The following ATP1A3 variants were observed in gnomAD, a reference collection of about 807,000 sequenced individuals.
The protein encoded by ATP1A3 is sodium/potassium-transporting ATPase subunit alpha-3.
A neutral mutation model predicts 108.8 loss-of-function variants in ATP1A3; 12 were observed. The observed-to-expected ratio is 0.11, with a 90% CI of 0.07 to 0.18. ATP1A3 has a LOEUF of 0.18. ATP1A3 is among the 10% of genes least tolerant of loss of function. The probability of loss-of-function intolerance (pLI) is 1.00; values close to 1 mark genes in which losing one functional copy is unlikely to be tolerated. For synonymous variants in ATP1A3, 539 were observed against 564.5 expected, an observed-to-expected ratio of 0.95 and a Z score of 0.64; for missense variants, 498 against 1,387.7, an observed-to-expected ratio of 0.36 and a Z score of 10.19.
chr19:41,968,956 G>A lies in ATP1A3; in HGVS notation c.2689-41C>T. 5 of 1,612,718 alleles carry A rather than the reference G, an allele frequency of 3.1e-6. No homozygotes were observed. Among genetic ancestry groups the A allele is most frequent in the Non-Finnish European group, 4.2e-6 (5 of 1,179,276 alleles). On this transcript the variant is annotated intron_variant, in intron 19 of 22. Transcript: ENST00000648268. The surrounding 1 kb of genome is among the most constrained non-coding windows in gnomAD (Gnocchi z 5.0). Reference sequence around the variant, plus strand: ...CCAGGGCACGGGACGTCAGTTAGTGGCACTGCAGCCCTAGCCGCCACCCCG... The same window carrying A: ...CCAGGGCACGGGACGTCAGTTAGTGACACTGCAGCCCTAGCCGCCACCCCG...
chr19:41,985,864 C>T lies in ATP1A3; in HGVS notation c.606G>A (p.Lys202=). The T allele has an allele frequency of 6.2e-7, 1 of 1,613,984 alleles. No homozygotes were observed. The highest frequency in any genetic ancestry group is 8.5e-7 in the Non-Finnish European group (1 of 1,179,980). Residue 202 remains lysine, a splice_region_variant and synonymous_variant, in exon 6 of 23, where the codon AAG becomes AAA. Transcript: ENST00000648268. The surrounding 1 kb of genome is among the most constrained non-coding windows in gnomAD (Gnocchi z 8.2). ...AGCCGGGCCCTAGGCCCAGGCCCAC[C>T]TTGCAGCCGTGGGCTGAGATGATCC... ...DLRIISAHGC[K]VDNSSLTGES...
rs201783205 is a variant in ATP1A3 at position 41,968,938 on chromosome 19, A to G, written c.2689-23T>C. 9.2e-5 allele frequency: 148 copies of G among 1,613,390 alleles called. 4 individuals are homozygous for G. The South Asian group carries it at 9.6e-4, about 10-fold the overall frequency. ...TGTCTGCAGGAGCGGTGACCAGGGC[A>G]CGGGACGTCAGTTAGTGGCACTGCA... On this transcript the variant is annotated intron_variant, in intron 19 of 22. Transcript: ENST00000648268. The surrounding 1 kb of genome is among the most constrained non-coding windows in gnomAD (Gnocchi z 5.0).
Position 41,985,774 on chromosome 19 carries a change from T to C in ATP1A3, c.606+90A>G, listed in dbSNP as rs1416427469. 16 of 1,571,982 alleles carry C rather than the reference T, an allele frequency of 1.0e-5. No individual in the cohort carries two copies. The highest frequency in any genetic ancestry group is 1.4e-5 in the Non-Finnish European group (16 of 1,159,158). ...GTCTGAGGGAGGAGGGGTTGGGACCTGGACTCCTGAGTGTGAGGGAGGAGG... is the reference window on the plus strand; with the variant it reads ...GTCTGAGGGAGGAGGGGTTGGGACCCGGACTCCTGAGTGTGAGGGAGGAGG... On this transcript the variant is annotated intron_variant, in intron 6 of 22. Transcript: ENST00000648268. The surrounding 1 kb of genome is among the most constrained non-coding windows in gnomAD (Gnocchi z 8.2).
intron 1 of ATP1A3, chr19:41,993,271 T>C: frequency 2.0e-6 from 2 of 1,004,606 alleles, no homozygotes; most frequent in Non-Finnish European, 3.0e-6. Flanking sequence ...CGGCATCTGC[T>C]GGAGAGACTC....
Position 41,967,339 on chromosome 19 carries a change from G to C in ATP1A3, c.2923C>G (p.Pro975Ala), listed in dbSNP as rs782655656. 2.5e-6 allele frequency: 4 copies of C among 1,607,070 alleles called. No individual in the cohort carries two copies. The highest frequency in any genetic ancestry group is 3.4e-6 in the Non-Finnish European group (4 of 1,179,958). ...GGGAAGGCACAGAACCACCAGCTGG[G>C]CCTGCAGAGGGGAGAGCAGGAGGGC... Reference protein sequence around the residue: ...DVALRMYPLKPSWWFCAFPYS... With the variant: ...DVALRMYPLKASWWFCAFPYS... The change falls in exon 22 of 23, where the codon CCC (proline) becomes GCC (alanine). Residue 975 changes from proline (P) to alanine (A), a missense_variant and splice_region_variant. Pro to Ala is a conservative substitution (Grantham distance 27). Coordinates refer to ENST00000648268, the MANE Select transcript of ATP1A3 (RefSeq NM_152296.5). The surrounding 1 kb of genome is among the most constrained non-coding windows in gnomAD (Gnocchi z 4.2).
At position 41,977,950 on chromosome 19, in the gene ATP1A3, G is replaced by A. The variant is rs1555861948; in HGVS notation, c.1929C>T (p.Ser643=). 13 of 1,614,100 alleles carry A rather than the reference G, an allele frequency of 8.1e-6. No homozygotes were observed. In the African/African-American group the frequency reaches 1.5e-4, roughly 18 times the overall value. ...DIAARLNIPV[S]QVNPRDAKAC... ...GGGTGGCTCACCGGGGGTTAACCTG[G>A]CTGACGGGAATGTTGAGCCGGGCGG... is the stretch of plus-strand genomic sequence containing the variant. The change falls in exon 14 of 23, where the codon AGC becomes AGT. Residue 643 remains serine (S), a synonymous_variant. Transcript: ENST00000648268.
In ATP1A3 at chr19:41,966,828, C is replaced by T; in HGVS notation, c.*109G>A. 1 of 1,544,090 alleles carries T rather than the reference C, an allele frequency of 6.5e-7. No homozygotes were observed. Among genetic ancestry groups the T allele is most frequent in the Non-Finnish European group, 8.7e-7 (1 of 1,143,322 alleles). On this transcript the variant is annotated 3_prime_UTR_variant, in exon 23 of 23. Transcript: ENST00000648268. ...GAGGGGGTGGGGGCCAAGGTGGGGC[C>T]ACAGGAAGAGAGGGCTCCTCCCCCC...
chr19:41,975,905 G>A (rs781919452), intron 15 of ATP1A3, 108 bp from the exon 16 acceptor site: 52 of 1,464,916 alleles, frequency 3.5e-5, no homozygotes, highest in Non-Finnish European at 3.8e-5. Flanking sequence ...AGACCTAGAA[G>A]TTCAGGTCCC....
chr19:41,985,903 C>G lies in ATP1A3; in HGVS notation c.567G>C (p.Val189=). The change falls in exon 6 of 23, where the codon GTG becomes GTC. Residue 189 remains valine (V), a synonymous_variant. Transcript: ENST00000648268. This position sits in a 1 kb window ranked among gnomAD's most constrained non-coding sequence, Gnocchi z 8.2. The part of the protein sequence containing the change: ...DLVEIKGGDR[V]PADLRIISAH... The stretch of plus-strand genomic sequence containing the variant: ...CTGAGATGATCCGCAGGTCAGCTGG[C>G]ACTCGGTCTCCACCCTTGATCTCCA... 1 of 1,613,942 alleles carries G rather than the reference C, an allele frequency of 6.2e-7. No individual in the cohort carries two copies. Among genetic ancestry groups the G allele is most frequent in the Non-Finnish European group, 8.5e-7 (1 of 1,179,942 alleles).
chr19:41,991,862 G>T (rs1477882389), intron 1 of ATP1A3, among the ~76,000 whole-genome samples: 1 of 150,892 alleles, frequency 6.6e-6, no homozygotes, highest in Non-Finnish European at 1.5e-5. Flanking sequence ...CTGGGTCTGA[G>T]GGAGGAGGGG....
rs782539594 is a variant in ATP1A3, at chr19:41,988,023, G to A, written c.270C>T (p.Phe90=). 1.2e-6 allele frequency: 2 copies of A among 1,614,194 alleles called. No individual in the cohort carries two copies. Among genetic ancestry groups the A allele is most frequent in the Non-Finnish European group, 1.7e-6 (2 of 1,180,040 alleles). ...TAGCCCCGATCCACAGCAGGATGGAGAAGCCCCCGAAGAGCTGCCGGCAAA... is the reference window on the plus strand; with the variant it reads ...TAGCCCCGATCCACAGCAGGATGGAAAAGCCCCCGAAGAGCTGCCGGCAAA... ...VKFCRQLFGG[F]SILLWIGAIL... is the part of the protein sequence containing the mutation. The change falls in exon 4 of 23, where the codon TTC becomes TTT. Residue 90 remains phenylalanine (F), a synonymous_variant. Transcript: ENST00000648268. The surrounding 1 kb of genome is among the most constrained non-coding windows in gnomAD (Gnocchi z 5.3).
Position 41,978,510 on chromosome 19 carries a change from A to G in ATP1A3, c.1630+96T>C. 6.5e-7 allele frequency: 1 copy of G among 1,543,452 alleles called. No individual in the cohort carries two copies. Among genetic ancestry groups the G allele is most frequent in the Admixed American group, 1.7e-5 (1 of 59,516 alleles). On this transcript the variant is annotated intron_variant, in intron 12 of 22. Coordinates refer to ENST00000648268, the MANE Select transcript of ATP1A3 (RefSeq NM_152296.5). This position sits in a 1 kb window ranked among gnomAD's most constrained non-coding sequence, Gnocchi z 8.3. ...ATTCATTCATTCATTCATTTACAGT[A>G]TATTCTGGGAGGCCCTGGGCTGAGA...
chr19:41,980,114 C>T (rs1365143361), intron 11 of ATP1A3, among the ~76,000 whole-genome samples: 1 of 152,252 alleles, frequency 6.6e-6, no homozygotes, highest in East Asian at 1.9e-4. Flanking sequence ...TGCCTGCTAC[C>T]GGAGCGCTCT....
chr19:41,977,902 A>G, intron 14 of ATP1A3, 34 bp downstream of exon 14: 2 of 1,612,754 alleles, frequency 1.2e-6, no homozygotes, highest in Non-Finnish European at 1.7e-6. Flanking sequence ...CCCTAGAGGG[A>G]TGTCCAGGGC....
chr19:41,986,770 T>G (rs1309759220), intron 4 of ATP1A3: 24 of 153,092 alleles, frequency 1.6e-4, no homozygotes, highest in Non-Finnish European at 2.6e-4. Context: ...TGAGACAGGG[T>G]CTCGCTCTGC....
At chr19:41,984,788 C>G in intron 8 of ATP1A3, 130 bp downstream of exon 8, 1 of 1,094,292 alleles carries the variant, frequency 9.1e-7, no homozygotes, top group Non-Finnish European at 1.3e-6. Context: ...CTCCCCCAGA[C>G]ACACGGGTCC....
intron 18 of ATP1A3, 138 bp downstream of exon 18, chr19:41,970,047 C>G (rs532569805): frequency 4.9e-6 from 7 of 1,414,170 alleles, no homozygotes; most frequent in African/African-American, 4.2e-5. Flanking sequence ...AGACCCCCCC[C>G]ACAGATAGCT....
At position 41,988,186 on chromosome 19, in the gene ATP1A3, C is replaced by A. The variant is rs182742843; in HGVS notation, c.154-47G>T. ...CAGAACCCTCCCTGGGCAACCCTGG[C>A]ACCCCAGGCCTTCACCAGACCCCCA... is the stretch of plus-strand genomic sequence containing the variant. On this transcript the variant is annotated intron_variant, in intron 3 of 22. Transcript: ENST00000648268. The surrounding 1 kb of genome is among the most constrained non-coding windows in gnomAD (Gnocchi z 5.3). The A allele has an allele frequency of 1.6e-5, 26 of 1,612,862 alleles. No individual in the cohort carries two copies. Among genetic ancestry groups the A allele is most frequent in the African/African-American group, 5.3e-5 (4 of 75,012 alleles).
chr19:41,968,169 AG>A lies in ATP1A3; in HGVS notation c.2820-407del, dbSNP rs2075065610. 6.6e-6 allele frequency among the ~76,000 whole-genome samples: 1 copy of A among 152,130 alleles called. No homozygotes were observed. Among genetic ancestry groups the A allele is most frequent in the South Asian group, 2.1e-4 (1 of 4,826 alleles). Reference sequence around the variant, plus strand: ...CTCCACCACACACACAGAGGCTGAGAGAGAATCTAGGACACACAGGACCCCT... The same window carrying A: ...CTCCACCACACACACAGAGGCTGAGAAGAATCTAGGACACACAGGACCCCT... On this transcript the variant is annotated intron_variant, in intron 20 of 22. Transcript: ENST00000648268. The surrounding 1 kb of genome is among the most constrained non-coding windows in gnomAD (Gnocchi z 5.0).
Sources: allele counts gnomAD v4.1 joint callset (sites outside exome capture counted in the v4.1 genomes callset), GRCh38; gene constraint gnomAD v4.1.1; non-coding constraint Gnocchi (gnomAD v3.1); transcripts MANE v1.5; gene names NCBI Gene and HGNC (gene_info 2026-07-23, HGNC 2026-07-21).